TEX14: variants seen among roughly 807,000 people sequenced by gnomAD.
TEX14 encodes the protein inactive serine/threonine-protein kinase TEX14.
A neutral mutation model predicts 178.6 loss-of-function variants in TEX14; 168 were observed. The observed-to-expected ratio is 0.94, with a 90% CI of 0.83 to 1.07. TEX14 has a LOEUF of 1.07. Ranked by LOEUF, TEX14 falls within the 50% of genes least tolerant of loss-of-function variation. The pLI, the probability that TEX14 is intolerant of heterozygous loss-of-function variation, is 0.00. For synonymous variants in TEX14, 626 were observed against 634.1 expected (o/e 0.99, Z 0.19); for missense variants, 1,730 against 1,753.6 (o/e 0.99, Z 0.24).
chr17:58,595,174 C>T (rs965017625), intron 14 of TEX14, among the ~76,000 whole-genome samples: 10 of 151,976 alleles, frequency 6.6e-5, no homozygotes, highest in South Asian at 6.2e-4. Context: ...AAGTTTGTAA[C>T]GTTTTCATTC....
At chr17:58,624,321 A>ATTTTC (rs988103650) in intron 3 of TEX14, among the ~76,000 whole-genome samples, 1 of 142,724 alleles carries the variant, frequency 7.0e-6, no homozygotes, top group African/African-American at 2.6e-5. Context: ...GTATCTACAT[A>ATTTTC]TTTTCTTTTC....
At chr17:58,631,770 G>T (rs187313561) in intron 2 of TEX14, 2 of 152,010 alleles carry the variant, frequency 1.3e-5, no homozygotes, top group African/African-American at 4.8e-5. Context: ...GGTTTCCAGC[G>T]TTCTACACGT....
intron 1 of TEX14, among the ~76,000 whole-genome samples, chr17:58,681,244 A>T (rs761582886): frequency 2.0e-5 from 3 of 152,140 alleles, no homozygotes; most frequent in Non-Finnish European, 4.4e-5. Flanking sequence ...GAGCAACAAG[A>T]TCGAAACTCC....
At chr17:58,656,059 G>A (rs2046951806) in intron 1 of TEX14, among the ~76,000 whole-genome samples, 1 of 152,196 alleles carries the variant, frequency 6.6e-6, no homozygotes, top group African/African-American at 2.4e-5. Flanking sequence ...CTAGCACTTT[G>A]AGAGGCCGAA....
intron 2 of TEX14, among the ~76,000 whole-genome samples, chr17:58,634,919 G>C (rs1457422998): frequency 1.3e-5 from 2 of 152,078 alleles, no homozygotes; most frequent in African/African-American, 4.8e-5. Flanking sequence ...ATTACCTGAG[G>C]TCAGGAGTTC....
intron 1 of TEX14, among the ~76,000 whole-genome samples, chr17:58,653,653 C>G (rs1227490709): frequency 6.6e-6 from 1 of 152,174 alleles, no homozygotes; most frequent in Admixed American, 6.6e-5. Context: ...CCTTATTCTG[C>G]AGCCCTATGA....
At position 58,618,815 on chromosome 17, in the gene TEX14, T is replaced by C. The variant is rs556279671; in HGVS notation, c.555-1196A>G. Among the ~76,000 whole-genome samples the C allele has an allele frequency of 1.1e-4, 17 of 152,358 alleles. No individual in the cohort carries two copies. In the East Asian group the frequency reaches 3.3e-3, roughly 29 times the overall value. On this transcript the variant is annotated intron_variant, in intron 5 of 31. Coordinates refer to ENST00000349033, the MANE Select transcript of TEX14 (RefSeq NM_031272.5). ...TCTCTGCTTTAAGCTGCTATGCTAT[T>C]GAGGAGAAGACTCTGATGTTTAGAC...
At chr17:58,621,599 A>T (rs2045997979) in intron 5 of TEX14, 51 bp downstream of exon 5, 1 of 1,552,348 alleles carries the variant, frequency 6.4e-7, no homozygotes, top group Non-Finnish European at 8.7e-7. Flanking sequence ...GGCTCCCACG[A>T]GGAAGGCTGG....
In TEX14 at chr17:58,666,458, C is replaced by CAAAAAAAAA. The variant is rs141683264; in HGVS notation, c.-1-14465_-1-14457dup. 18 of 36,832 alleles carry CAAAAAAAAA rather than the reference C, an allele frequency of 4.9e-4. 2 individuals carry two copies. The highest frequency in any genetic ancestry group is 6.5e-4 in the Non-Finnish European group (14 of 21,488). The allele number at this position is 36,832 out of a possible 1,614,324, so 2.3% of individuals were successfully genotyped here. A position where few individuals can be genotyped will look rare whatever the true frequency, so the allele number is the denominator to read the frequency against. On this transcript the variant is annotated intron_variant, in intron 1 of 31. Coordinates refer to ENST00000349033, the MANE Select transcript of TEX14 (RefSeq NM_031272.5). ...ACAAAGTGAAACAAACCTTCCACGGCAAAAAAAAAAAAAAAAAAAAAAAAA... is the reference window on the plus strand; with the variant it reads ...ACAAAGTGAAACAAACCTTCCACGGCAAAAAAAAAAAAAAAAAAAAAAAAAAAAAAAAAA...
chr17:58,664,867 G>A (rs1398708857), intron 1 of TEX14, among the ~76,000 whole-genome samples: 2 of 152,172 alleles, frequency 1.3e-5, no homozygotes, highest in East Asian at 1.9e-4. Flanking sequence ...CAGTGTGCCT[G>A]TGGTACGTAA....
chr17:58,654,900 C>T (rs954113240), intron 1 of TEX14, among the ~76,000 whole-genome samples: 18 of 152,050 alleles, frequency 1.2e-4, no homozygotes, highest in African/African-American at 4.1e-4. Flanking sequence ...CCTGACATTT[C>T]GGCACCCCAA....
At chr17:58,679,588 G>A (rs970516612) in intron 1 of TEX14, 8 of 152,220 alleles carry the variant, frequency 5.3e-5, no homozygotes, top group African/African-American at 1.9e-4. Context: ...TCCCACATTT[G>A]TAGAAAACCA....
intron 1 of TEX14, among the ~76,000 whole-genome samples, chr17:58,689,228 A>G (rs1345993489): frequency 1.4e-5 from 2 of 147,874 alleles, no homozygotes; most frequent in African/African-American, 5.0e-5. Flanking sequence ...CGCTCAGCTA[A>G]TTTATTTATT....
chr17:58,593,498 A>G, intron 15 of TEX14, 57 bp downstream of exon 15: 1 of 1,289,648 alleles, frequency 7.8e-7, no homozygotes, highest in Non-Finnish European at 1.1e-6. Flanking sequence ...GTGGCCTCAG[A>G]GACACACAGA....
rs147596355 is a variant in TEX14 at position 58,602,428 on chromosome 17, A to T, written c.1499T>A (p.Ile500Asn). ...QKDRTMNLQDIRYILKNDLKD... is the reference protein window; with the variant it reads ...QKDRTMNLQDNRYILKNDLKD... ...TAAGTCATTCTTCAGAATATACCGG[A>T]TATCTTGAAGGTTCATAGTTCGGTC... The change falls in exon 12 of 32, where the codon ATC (isoleucine) becomes AAC (asparagine). Residue 500 changes from isoleucine (I) to asparagine (N), a missense_variant. Coordinates refer to ENST00000349033, the MANE Select transcript of TEX14 (RefSeq NM_031272.5). 6 of 1,613,936 alleles carry T rather than the reference A, an allele frequency of 3.7e-6. No homozygotes were observed. Among genetic ancestry groups the T allele is most frequent in the African/African-American group, 1.3e-5 (1 of 75,020 alleles).
chr17:58,576,424 C>G (rs530318101), intron 21 of TEX14, among the ~76,000 whole-genome samples: 72 of 151,560 alleles, frequency 4.8e-4, no homozygotes, highest in African/African-American at 1.6e-3. Context: ...GTGGAGGTTG[C>G]AGTGAGCTGA....
chr17:58,683,337 C>G (rs991484413), intron 1 of TEX14, among the ~76,000 whole-genome samples: 10 of 150,826 alleles, frequency 6.6e-5, no homozygotes, highest in African/African-American at 2.4e-4. Context: ...CACACCACTG[C>G]ACTCCAGCCT....
intron 1 of TEX14, among the ~76,000 whole-genome samples, chr17:58,691,321 T>G (rs1459462196): frequency 6.6e-6 from 1 of 152,084 alleles, no homozygotes; most frequent in East Asian, 1.9e-4. Context: ...GGGCTCTGAT[T>G]TGCAATATTT....
intron 17 of TEX14, among the ~76,000 whole-genome samples, chr17:58,587,111 G>A (rs1317493430): frequency 6.6e-6 from 1 of 152,148 alleles, no homozygotes; most frequent in Non-Finnish European, 1.5e-5. Context: ...TATTAGAAGT[G>A]TCTTGGTCTT....
Sources: gnomAD v4.1 joint callset for allele counts (sites outside exome capture counted in the v4.1 genomes callset) on GRCh38, gnomAD v4.1.1 for gene constraint, MANE v1.5 for transcripts, NCBI Gene and HGNC (gene_info 2026-07-23, HGNC 2026-07-21) for gene names.